The following HYDIN variants were observed in gnomAD, a reference collection of about 807,000 sequenced individuals.
The protein encoded by HYDIN is axonemal central pair apparatus protein HYDIN.
A neutral mutation model predicts 403.9 loss-of-function variants in HYDIN; 132 were observed. That is an observed-to-expected ratio of 0.33 (90% CI 0.28 to 0.38). The LOEUF (loss-of-function observed/expected upper bound fraction) is 0.38, where lower values mean the gene tolerates loss of function less well. HYDIN is among the 10% of genes least tolerant of loss of function. The probability of loss-of-function intolerance (pLI) is 1.00; values close to 1 mark genes in which losing one functional copy is unlikely to be tolerated. For missense variants in HYDIN, 2,827 were observed against 5,009.5 expected, an observed-to-expected ratio of 0.56 and a Z score of 13.15; for synonymous variants, 1,202 against 1,891.7, an observed-to-expected ratio of 0.64 and a Z score of 9.46.
chr16:70,943,995 C>T (rs2077765973), intron 41 of HYDIN, 46 bp from the exon 42 acceptor site: 1 of 1,410,274 alleles, frequency 7.1e-7, no homozygotes, highest in South Asian at 1.2e-5. Context: ...GGCCTTGTAT[C>T]TCAACAACTC....
intron 1 of HYDIN, among the ~76,000 whole-genome samples, chr16:71,218,536 T>C (rs1368899228): frequency 6.6e-6 from 1 of 152,228 alleles, no homozygotes; most frequent in African/African-American, 2.4e-5. Context: ...ACCATCTGTT[T>C]AATTGTAATT....
intron 45 of HYDIN, 126 bp from the exon 46 acceptor site, chr16:70,921,343 CA>C: frequency 1.2e-6 from 1 of 832,186 alleles, no homozygotes; most frequent in African/African-American, 1.7e-5. Flanking sequence ...ACCTCCCCTG[CA>C]CGCTAAGGTT....
At chr16:70,859,241 T>C (rs1016984916) in intron 71 of HYDIN, among the ~76,000 whole-genome samples, 5 of 151,972 alleles carry the variant, frequency 3.3e-5, no homozygotes, top group Admixed American at 6.6e-5. Flanking sequence ...GCGGAGCATG[T>C]AGTGAGCCGA....
At chr16:70,980,328 T>A (rs985599016) in intron 29 of HYDIN, among the ~76,000 whole-genome samples, 1 of 149,116 alleles carries the variant, frequency 6.7e-6, no homozygotes, top group African/African-American at 2.5e-5. Context: ...CAAAGTAAGA[T>A]CCTATCATAA....
At chr16:70,921,976 C>T (rs1462434104) in intron 45 of HYDIN, among the ~76,000 whole-genome samples, 4 of 152,302 alleles carry the variant, frequency 2.6e-5, no homozygotes, top group African/African-American at 7.2e-5. Context: ...TAGGCTCCAT[C>T]GTTTTTTGGG....
intron 18 of HYDIN, among the ~76,000 whole-genome samples, chr16:71,039,880 G>C (rs1174297404): frequency 6.6e-6 from 1 of 152,254 alleles, no homozygotes; most frequent in African/African-American, 2.4e-5. Flanking sequence ...CTCATTGGCA[G>C]AGGGCAGCTG....
chr16:71,165,876 G>A lies in HYDIN; in HGVS notation c.517-3146C>T, dbSNP rs200960253. On this transcript the variant is annotated intron_variant, in intron 5 of 85. Transcript: ENST00000393567. Reference sequence around the variant, plus strand: ...GAACCTGTGGCCAGAGGGGAGCAAGGGAAGGAGTGTGGTTAGACACATGGC... The same window carrying A: ...GAACCTGTGGCCAGAGGGGAGCAAGAGAAGGAGTGTGGTTAGACACATGGC... Among the ~76,000 whole-genome samples, 78 of 130,890 alleles carry A rather than the reference G, an allele frequency of 6.0e-4. 1 individual carries two copies. The East Asian group carries it at 0.02, about 33-fold the overall frequency. 85.9% of individuals were successfully genotyped at this position (130,890 alleles called of 152,430 possible). A position where few individuals can be genotyped will look rare whatever the true frequency, so the allele number is the denominator to read the frequency against.
At chr16:71,100,585 TGC>T (rs2083428534) in intron 10 of HYDIN, among the ~76,000 whole-genome samples, 3 of 152,196 alleles carry the variant, frequency 2.0e-5, no homozygotes. Context: ...TCAGAATAGA[TGC>T]ACAAATACAT....
chr16:71,007,222 G>A (rs1321765892), intron 23 of HYDIN, among the ~76,000 whole-genome samples: 3 of 151,908 alleles, frequency 2.0e-5, no homozygotes, highest in Non-Finnish European at 2.9e-5. Context: ...GCCATCTTTG[G>A]AAATGTCTGG....
In HYDIN at chr16:71,175,615, C is replaced by G; in HGVS notation, c.508G>C (p.Glu170Gln). The G allele has an allele frequency of 6.2e-7, 1 of 1,614,092 alleles. No individual in the cohort carries two copies. ...SIFRILFTPE[E>Q]NKDYAHTLTC... ...GCCATTCCTGGTATTACCTTGTTCT[C>G]CTCTGGAGTAAAGAGGATTCGGAAT... is the stretch of plus-strand genomic sequence containing the variant. Residue 170 changes from glutamate to glutamine, a missense_variant, in exon 5 of 86, where the codon GAG (glutamate) becomes CAG (glutamine). Coordinates refer to ENST00000393567, the MANE Select transcript of HYDIN (RefSeq NM_001270974.2).
At chr16:70,853,892 C>CTTTT (rs140632293) in intron 73 of HYDIN, among the ~76,000 whole-genome samples, 9 of 120,912 alleles carry the variant, frequency 7.4e-5, no homozygotes, top group East Asian at 2.1e-4. Context: ...TTCTTTCTTT[C>CTTTT]TTTTTTTTTT....
In HYDIN at chr16:70,993,310, T is replaced by C. The variant is rs559847019; in HGVS notation, c.3645-1100A>G. Reference sequence around the variant, plus strand: ...GTTTGATGAGTTGTATACACATCTGTGGAACTATCACCACATTAATAAACA... The same window carrying C: ...GTTTGATGAGTTGTATACACATCTGCGGAACTATCACCACATTAATAAACA... On this transcript the variant is annotated intron_variant, in intron 23 of 85. Coordinates refer to ENST00000393567, the MANE Select transcript of HYDIN (RefSeq NM_001270974.2). Among the ~76,000 whole-genome samples the C allele has an allele frequency of 6.6e-5, 10 of 152,288 alleles. No individual in the cohort carries two copies. The South Asian group carries it at 2.1e-3, about 32-fold the overall frequency.
intron 45 of HYDIN, among the ~76,000 whole-genome samples, chr16:70,928,324 T>C (rs1346263268): frequency 6.6e-6 from 1 of 152,126 alleles, no homozygotes; most frequent in Non-Finnish European, 1.5e-5. Flanking sequence ...GACGTGGTGG[T>C]GCACGCCTGC....
rs2040976824 is a variant in HYDIN, at chr16:70,884,069, G to A, written c.9830C>T (p.Ser3277Phe). The A allele has an allele frequency of 6.2e-7, 1 of 1,612,546 alleles. No homozygotes were observed. The highest frequency in any genetic ancestry group is 8.5e-7 in the Non-Finnish European group (1 of 1,179,430). The part of the protein sequence containing the change: ...TVYPGFGSIP[S>F]GGQQVINVDC... Reference sequence around the variant, plus strand: ...AACGTTGATGACCTGCTGTCCTCCGGAAGGAATGGAGCCAAACCCAGGGTA... The same window carrying A: ...AACGTTGATGACCTGCTGTCCTCCGAAAGGAATGGAGCCAAACCCAGGGTA... The change falls in exon 59 of 86, where the codon TCC becomes TTC. Residue 3277 changes from serine to phenylalanine, a missense_variant. By Grantham distance (155) the Ser-to-Phe change is radical. Coordinates refer to ENST00000393567, the MANE Select transcript of HYDIN (RefSeq NM_001270974.2).
intron 39 of HYDIN, among the ~76,000 whole-genome samples, chr16:70,958,487 T>C (rs945592389): frequency 5.3e-5 from 8 of 151,982 alleles, no homozygotes; most frequent in Non-Finnish European, 8.8e-5. Flanking sequence ...GCAGTTTCTA[T>C]GGATCCATCA....
At chr16:70,979,073 G>C in intron 29 of HYDIN, 32 bp from the exon 30 acceptor site, 1 of 1,585,042 alleles carries the variant, frequency 6.3e-7, no homozygotes, top group South Asian at 1.1e-5. Flanking sequence ...GGGTTGGAAG[G>C]AGAGCAGAAT....
intron 83 of HYDIN, among the ~76,000 whole-genome samples, chr16:70,823,663 C>T (rs1190691044): frequency 1.3e-5 from 2 of 152,226 alleles, no homozygotes; most frequent in South Asian, 2.1e-4. Context: ...TTAACAACCA[C>T]ATAGCAGCTG....
At chr16:71,161,323 A>T (rs949770562) in intron 6 of HYDIN, among the ~76,000 whole-genome samples, 1 of 152,200 alleles carries the variant, frequency 6.6e-6, no homozygotes, top group African/African-American at 2.4e-5. Flanking sequence ...CTGTAAATAC[A>T]GATAAAGCTT....
intron 18 of HYDIN, among the ~76,000 whole-genome samples, chr16:71,052,030 T>C (rs565837601): frequency 1.0e-3 from 160 of 152,386 alleles, no homozygotes; most frequent in Non-Finnish European, 1.8e-3. Context: ...TTAAAGGATA[T>C]AAAAGAAATC....
Sources: gnomAD v4.1 joint callset for allele counts (sites outside exome capture counted in the v4.1 genomes callset) on GRCh38, gnomAD v4.1.1 for gene constraint, MANE v1.5 for transcripts, NCBI Gene and HGNC (gene_info 2026-07-23, HGNC 2026-07-21) for gene names.